The following CNTN5 variants were observed in gnomAD, a reference collection of about 807,000 sequenced individuals.
CNTN5 encodes contactin 5, also known as contactin-5.
In CNTN5, 77 loss-of-function variants were observed where a neutral mutation model predicts 129.1. That is an observed-to-expected ratio of 0.60 (90% CI 0.50 to 0.72). The LOEUF is 0.72. Ranked by LOEUF, CNTN5 falls within the 30% of genes least tolerant of loss-of-function variation. The pLI is 0.00. For synonymous variants in CNTN5, 509 were observed against 465.6 expected, an observed-to-expected ratio of 1.09 and a Z score of -1.20; for missense variants, 1,478 against 1,328.8, an observed-to-expected ratio of 1.11 and a Z score of -1.75.
intron 1 of CNTN5, among the ~76,000 whole-genome samples, chr11:99,188,957 C>T (rs1392354961): frequency 6.6e-6 from 1 of 151,638 alleles, no homozygotes; most frequent in Non-Finnish European, 1.5e-5. Flanking sequence ...ATTATTCCCC[C>T]TTTTTAATTG....
intron 3 of CNTN5, among the ~76,000 whole-genome samples, chr11:99,706,093 G>T (rs1207818500): frequency 6.6e-6 from 1 of 151,500 alleles, no homozygotes; most frequent in Non-Finnish European, 1.5e-5. Context: ...AAAGAGTAAT[G>T]ATAATAGCAA....
At chr11:99,418,414 G>A (rs777616406) in intron 2 of CNTN5, among the ~76,000 whole-genome samples, 1 of 152,064 alleles carries the variant, frequency 6.6e-6, no homozygotes, top group South Asian at 2.1e-4. Flanking sequence ...TTGACATCAA[G>A]CCATTAAAGA....
intron 8 of CNTN5, among the ~76,000 whole-genome samples, chr11:99,968,092 C>T (rs147985580): frequency 0.011 from 1,679 of 152,184 alleles, 13 homozygotes; most frequent in Middle Eastern, 0.041. Flanking sequence ...CACAACCAGG[C>T]TTCTCACCTT....
intron 3 of CNTN5, among the ~76,000 whole-genome samples, chr11:99,601,625 G>T (rs138888487): frequency 6.6e-6 from 1 of 152,022 alleles, no homozygotes; most frequent in African/African-American, 2.4e-5. Flanking sequence ...ACTAAACAAC[G>T]AATTTGTATT....
chr11:100,331,643 C>T (rs1183166594), intron 21 of CNTN5, among the ~76,000 whole-genome samples: 1 of 152,006 alleles, frequency 6.6e-6, no homozygotes, highest in South Asian at 2.1e-4. Flanking sequence ...GTCTCTCAGA[C>T]CACAGTGGAA....
rs927331112 is a variant in CNTN5 at position 99,294,455 on chromosome 11, A to G, written c.-209-30891A>G. ...AATACATTACCTAGGAATAAATTAA[A>G]CCAAAGTAATGGAAGATCTCTATAA... On this transcript the variant is annotated intron_variant, in intron 1 of 24. Coordinates refer to ENST00000524871, the MANE Select transcript of CNTN5 (RefSeq NM_014361.4). 3.9e-5 allele frequency among the ~76,000 whole-genome samples: 6 copies of G among 152,226 alleles called. No homozygotes were observed. The East Asian group carries it at 7.7e-4, about 20-fold the overall frequency.
At chr11:99,900,388 A>C (rs1337419773) in intron 6 of CNTN5, among the ~76,000 whole-genome samples, 3 of 151,976 alleles carry the variant, frequency 2.0e-5, no homozygotes, top group Non-Finnish European at 1.5e-5. Context: ...ACATTTGATC[A>C]TGGTGGATTA....
intron 18 of CNTN5, among the ~76,000 whole-genome samples, chr11:100,297,239 C>T (rs1240577778): frequency 6.6e-6 from 1 of 151,370 alleles, no homozygotes; most frequent in Non-Finnish European, 1.5e-5. Flanking sequence ...TAATCTTGAC[C>T]TGTGGATTTT....
At chr11:99,782,873 C>T (rs1318690395) in intron 3 of CNTN5, among the ~76,000 whole-genome samples, 1 of 151,772 alleles carries the variant, frequency 6.6e-6, no homozygotes, top group African/African-American at 2.4e-5. Flanking sequence ...ACCACAAAAA[C>T]CCTAGAAGAA....
chr11:99,372,878 G>A (rs1939911717), intron 2 of CNTN5, among the ~76,000 whole-genome samples: 1 of 152,192 alleles, frequency 6.6e-6, no homozygotes, highest in African/African-American at 2.4e-5. Flanking sequence ...AATGTCCAGT[G>A]TTATGGCATC....
intron 2 of CNTN5, among the ~76,000 whole-genome samples, chr11:99,471,879 T>C (rs1433197326): frequency 6.6e-6 from 1 of 152,170 alleles, no homozygotes; most frequent in Non-Finnish European, 1.5e-5. Flanking sequence ...TTTGTCACAG[T>C]ACCTCAATAC....
chr11:100,293,168 C>T (rs10791304), intron 18 of CNTN5, among the ~76,000 whole-genome samples: 60,098 of 151,588 alleles, frequency 0.4, 13,839 homozygotes, highest in Non-Finnish European at 0.53. Flanking sequence ...CTATTCTTTG[C>T]ATTTAGTTCA....
At chr11:99,991,648 T>A (rs1939105431) in intron 8 of CNTN5, among the ~76,000 whole-genome samples, 1 of 152,184 alleles carries the variant, frequency 6.6e-6, no homozygotes, top group Non-Finnish European at 1.5e-5. Flanking sequence ...CTCTCCTCTA[T>A]CTGTATTGAC....
At chr11:99,458,333 T>C (rs1227189038) in intron 2 of CNTN5, among the ~76,000 whole-genome samples, 1 of 151,984 alleles carries the variant, frequency 6.6e-6, no homozygotes, top group Middle Eastern at 3.2e-3. Context: ...CAGTGTTACA[T>C]GTTAAAATTT....
intron 3 of CNTN5, among the ~76,000 whole-genome samples, chr11:99,617,565 C>A (rs1387360272): frequency 2.6e-5 from 4 of 152,106 alleles, no homozygotes; most frequent in Non-Finnish European, 5.9e-5. Flanking sequence ...ATACTCTAAT[C>A]TCTTATTTTC....
intron 1 of CNTN5, among the ~76,000 whole-genome samples, chr11:99,103,010 C>T (rs61891145): frequency 0.062 from 9,447 of 152,082 alleles, 808 homozygotes; most frequent in East Asian, 0.34. Context: ...AGGCAAAAGG[C>T]AAAAGGCATA....
intron 2 of CNTN5, among the ~76,000 whole-genome samples, chr11:99,457,796 T>C (rs907192713): frequency 1.3e-5 from 2 of 151,816 alleles, no homozygotes; most frequent in African/African-American, 2.4e-5. Flanking sequence ...TGGTAATCAC[T>C]TTTATGTATT....
rs1300157619 is a variant in CNTN5 at position 99,292,122 on chromosome 11, T to C, written c.-209-33224T>C. Among the ~76,000 whole-genome samples, 5 of 151,962 alleles carry C rather than the reference T, an allele frequency of 3.3e-5. No homozygotes were observed. In the East Asian group the frequency reaches 9.6e-4, roughly 29 times the overall value. Reference sequence around the variant, plus strand: ...CAGTACTAATGTAATTTACATTTTGTATAGGGATAGCACTTTCATTCTGGC... The same window carrying C: ...CAGTACTAATGTAATTTACATTTTGCATAGGGATAGCACTTTCATTCTGGC... On this transcript the variant is annotated intron_variant, in intron 1 of 24. Coordinates refer to ENST00000524871, the MANE Select transcript of CNTN5 (RefSeq NM_014361.4).
chr11:99,900,919 A>C (rs1178416514), intron 6 of CNTN5, among the ~76,000 whole-genome samples: 1 of 152,026 alleles, frequency 6.6e-6, no homozygotes, highest in Non-Finnish European at 1.5e-5. Context: ...TTTATATGTT[A>C]CTATATCTTT....
Sources: gnomAD v4.1 joint callset for allele counts (sites outside exome capture counted in the v4.1 genomes callset) on GRCh38, gnomAD v4.1.1 for gene constraint, MANE v1.5 for transcripts, NCBI Gene and HGNC (gene_info 2026-07-23, HGNC 2026-07-21) for gene names.